Variants in SLC7A5 observed in about 807,000 individuals in gnomAD.
SLC7A5 encodes the protein large neutral amino acids transporter small subunit 1.
A neutral mutation model predicts 50.2 loss-of-function variants in SLC7A5; 23 were observed. The ratio of observed to expected loss-of-function variants is 0.46; its 90% CI spans 0.33 to 0.65. The LOEUF is 0.65. SLC7A5 is among the 30% of genes least tolerant of loss of function. The pLI, the probability that SLC7A5 is intolerant of heterozygous loss-of-function variation, is 0.02. For missense variants in SLC7A5, 578 were observed against 684.4 expected (o/e 0.84, Z 1.73); for synonymous variants, 393 against 330.6 (o/e 1.19, Z -2.05).
chr16:87,844,714 C>T (rs907605287), intron 2 of SLC7A5, among the ~76,000 whole-genome samples: 31 of 152,240 alleles, frequency 2.0e-4, no homozygotes, highest in Admixed American at 1.0e-3. Context: ...GGGCCCCTGC[C>T]CCAGCCCTGG....
rs929294122 is a variant in SLC7A5 at position 87,853,616 on chromosome 16, G to T, written c.539-1767C>A. Among the ~76,000 whole-genome samples the T allele has an allele frequency of 6.6e-6, 1 of 152,176 alleles. No homozygotes were observed. On this transcript the variant is annotated intron_variant, in intron 1 of 9. Transcript: ENST00000261622. The surrounding 1 kb of genome is among the most constrained non-coding windows in gnomAD (Gnocchi z 4.4). ...CTCCTTGTCCGCTGCACAGGGCAAG[G>T]GGCAGGTCCTGGCTTGCCAGTCCCA...
intron 9 of SLC7A5, among the ~76,000 whole-genome samples, chr16:87,834,085 C>G (rs985218672): frequency 1.3e-5 from 2 of 152,192 alleles, no homozygotes; most frequent in African/African-American, 4.8e-5. Context: ...AACTCCTGAC[C>G]TCAAGTGATC....
At chr16:87,835,260 G>C (rs967407698) in intron 8 of SLC7A5, among the ~76,000 whole-genome samples, 1 of 152,202 alleles carries the variant, frequency 6.6e-6, no homozygotes, top group East Asian at 1.9e-4. Context: ...GGGAACAGAC[G>C]CCAACCCGTG....
At chr16:87,847,828 A>G (rs74335551) in intron 2 of SLC7A5, among the ~76,000 whole-genome samples, 4,044 of 152,270 alleles carry the variant, frequency 0.027, 170 homozygotes, top group African/African-American at 0.089. Flanking sequence ...AACCAAAGGA[A>G]AACCATCATT....
rs1205283987 is a variant in SLC7A5 at position 87,861,627 on chromosome 16, C to A, written c.538+7258G>T. 2.0e-5 allele frequency among the ~76,000 whole-genome samples: 3 copies of A among 152,260 alleles called. No homozygotes were observed. In the South Asian group the frequency reaches 6.2e-4, roughly 32 times the overall value. Reference sequence around the variant, plus strand: ...AAGAGTGTGCCCTACCTTGGACACCCCTCTCCTGGGGGTGGCTCTCAACCT... The same window carrying A: ...AAGAGTGTGCCCTACCTTGGACACCACTCTCCTGGGGGTGGCTCTCAACCT... On this transcript the variant is annotated intron_variant, in intron 1 of 9. Coordinates refer to ENST00000261622, the MANE Select transcript of SLC7A5 (RefSeq NM_003486.7). The surrounding 1 kb of genome is among the most constrained non-coding windows in gnomAD (Gnocchi z 4.2).
intron 1 of SLC7A5, chr16:87,854,079 C>T (rs1489484108): frequency 1.4e-5 from 2 of 141,258 alleles, no homozygotes; most frequent in African/African-American, 2.6e-5. Flanking sequence ...CCCGCCCCCC[C>T]CCCCACCGCC....
chr16:87,850,176 G>A (rs1352133771), intron 2 of SLC7A5, among the ~76,000 whole-genome samples: 2 of 152,176 alleles, frequency 1.3e-5, no homozygotes, highest in African/African-American at 4.8e-5. Flanking sequence ...CAAGGCGGAG[G>A]CTCAGCTAAA....
chr16:87,856,624 C>G (rs2055324748), intron 1 of SLC7A5, among the ~76,000 whole-genome samples: 1 of 152,224 alleles, frequency 6.6e-6, no homozygotes, highest in African/African-American at 2.4e-5. Flanking sequence ...CTGGCTGGGG[C>G]TCCTGAGACA....
At position 87,864,879 on chromosome 16, in the gene SLC7A5, G is replaced by C. The variant is rs188746133; in HGVS notation, c.538+4006C>G. Among the ~76,000 whole-genome samples the C allele has an allele frequency of 1.2e-3, 180 of 152,342 alleles. 1 individual carries two copies. Among genetic ancestry groups the C allele is most frequent in the African/African-American group, 3.9e-3 (164 of 41,576 alleles). On this transcript the variant is annotated intron_variant, in intron 1 of 9. Transcript: ENST00000261622. ...TAAGATTATGCGAGTAAACAAGCTA[G>C]CTAGGTAAACTACGCTGCCTTTCTT...
At chr16:87,843,063 C>T (rs1213010824) in intron 2 of SLC7A5, among the ~76,000 whole-genome samples, 1 of 152,158 alleles carries the variant, frequency 6.6e-6, no homozygotes, top group Non-Finnish European at 1.5e-5. Flanking sequence ...CCATCTGGCA[C>T]TCATGGTGGG....
chr16:87,851,792 G>A lies in SLC7A5; in HGVS notation c.596C>T (p.Ala199Val), dbSNP rs765518481. ...GGCCAGGAGCTTGGCGGCGGCAAAG[G>A]CATCCTGGACCCGGGTGGCGGCCTT... ...SVKAATRVQDAFAAAKLLALA... is the reference protein window; with the variant it reads ...SVKAATRVQDVFAAAKLLALA... The change falls in exon 2 of 10, where the codon GCC becomes GTC. Residue 199 changes from alanine (A) to valine (V), a missense_variant. Transcript: ENST00000261622. 2.5e-6 allele frequency: 4 copies of A among 1,613,016 alleles called. No homozygotes were observed. The highest frequency in any genetic ancestry group is 3.4e-6 in the Non-Finnish European group (4 of 1,179,958).
chr16:87,864,401 C>A (rs1426982114), intron 1 of SLC7A5, among the ~76,000 whole-genome samples: 15 of 152,216 alleles, frequency 9.9e-5, no homozygotes, highest in Non-Finnish European at 1.6e-4. Context: ...CTCTCCTTCA[C>A]ACCCTGGAGC....
chr16:87,831,444 G>C lies in SLC7A5; in HGVS notation c.*1526C>G, dbSNP rs1236239107. ...GGGCGGCAGGCTCCACTGGGCACTTGCTGAGAGCTTGCGGCTTGAGCAGCC... is the reference window on the plus strand; with the variant it reads ...GGGCGGCAGGCTCCACTGGGCACTTCCTGAGAGCTTGCGGCTTGAGCAGCC... On this transcript the variant is annotated 3_prime_UTR_variant, in exon 10 of 10. Coordinates refer to ENST00000261622, the MANE Select transcript of SLC7A5 (RefSeq NM_003486.7). 6.6e-6 allele frequency: 1 copy of C among 152,280 alleles called. No homozygotes were observed. Among genetic ancestry groups the C allele is most frequent in the African/African-American group, 2.4e-5 (1 of 41,470 alleles). 9.4% of individuals were successfully genotyped at this position (152,280 alleles called of 1,614,324 possible).
In SLC7A5 at chr16:87,836,663, G is replaced by A. The variant is rs374801096; in HGVS notation, c.1141-16C>T. ...TCATCACACACTGGAAGAGAGAGGC[G>A]GCTGGCTGAGCCCTGGGGCCCACGA... On this transcript the variant is annotated splice_polypyrimidine_tract_variant and intron_variant, in intron 7 of 9. Transcript: ENST00000261622. 3.5e-5 allele frequency: 57 copies of A among 1,610,120 alleles called. No individual in the cohort carries two copies. The highest frequency in any genetic ancestry group is 1.7e-4 in the Middle Eastern group (1 of 6,056).
chr16:87,865,307 G>A (rs149474803), intron 1 of SLC7A5, among the ~76,000 whole-genome samples: 44 of 152,256 alleles, frequency 2.9e-4, no homozygotes, highest in African/African-American at 7.0e-4. Context: ...CCTAACTTTC[G>A]CTGAAAGGGA....
chr16:87,855,803 C>T (rs1406354833), intron 1 of SLC7A5, among the ~76,000 whole-genome samples: 1 of 152,028 alleles, frequency 6.6e-6, no homozygotes, highest in African/African-American at 2.4e-5. Context: ...TGGGTGGGGA[C>T]CCCGCAGGCC....
intron 2 of SLC7A5, among the ~76,000 whole-genome samples, chr16:87,848,602 C>T (rs911214831): frequency 4.6e-5 from 7 of 152,176 alleles, no homozygotes; most frequent in African/African-American, 1.4e-4. Flanking sequence ...GCGGAGGAGG[C>T]AAGGGCTCCC....
chr16:87,851,692 GGCC>G (rs2055225907), intron 2 of SLC7A5, 29 bp downstream of exon 2: 1 of 1,603,616 alleles, frequency 6.2e-7, no homozygotes, highest in Non-Finnish European at 8.5e-7. Flanking sequence ...AGCCTCGAGG[GGCC>G]GCCGGTGGGG....
intron 1 of SLC7A5, among the ~76,000 whole-genome samples, chr16:87,863,050 T>C (rs1435450616): frequency 6.6e-6 from 1 of 152,184 alleles, no homozygotes; most frequent in African/African-American, 2.4e-5. Context: ...CCCCCCATGC[T>C]TCACCCAACT....
Sources: gnomAD v4.1 joint callset for allele counts (sites outside exome capture counted in the v4.1 genomes callset) on GRCh38, gnomAD v4.1.1 for gene constraint, Gnocchi (gnomAD v3.1) non-coding constraint, MANE v1.5 for transcripts, NCBI Gene and HGNC (gene_info 2026-07-23, HGNC 2026-07-21) for gene names.